The following LARP1 variants were observed in gnomAD, a reference collection of about 807,000 sequenced individuals.
LARP1 encodes the protein La ribonucleoprotein 1, translational regulator.
Under a neutral mutation model 122.7 loss-of-function variants are expected in LARP1, and 36 were observed. The observed-to-expected ratio is 0.29, with a 90% CI of 0.22 to 0.39. LARP1 has a LOEUF of 0.39. Ranked by LOEUF, LARP1 falls within the 10% of genes least tolerant of loss-of-function variation. LARP1 has a pLI of 1.00. For synonymous variants in LARP1, 539 were observed against 528.7 expected, an observed-to-expected ratio of 1.02 and a Z score of -0.27; for missense variants, 1,040 against 1,403.6, an observed-to-expected ratio of 0.74 and a Z score of 4.14.
intron 1 of LARP1, among the ~76,000 whole-genome samples, chr5:154,764,147 A>C (rs1490403264): frequency 6.6e-6 from 1 of 151,724 alleles, no homozygotes; most frequent in Non-Finnish European, 1.5e-5. Context: ...TGCCTCTACT[A>C]AACATACAAA....
chr5:154,715,217 C>T (rs1439089393), intron 1 of LARP1, among the ~76,000 whole-genome samples: 2 of 150,882 alleles, frequency 1.3e-5, no homozygotes, highest in Non-Finnish European at 2.9e-5. Flanking sequence ...ATTTTAAGGC[C>T]CCTGAAGGGT....
intron 8 of LARP1, among the ~76,000 whole-genome samples, chr5:154,799,244 GTA>G (rs1055350561): frequency 6.6e-6 from 1 of 152,176 alleles, no homozygotes; most frequent in African/African-American, 2.4e-5. Context: ...GGCAAGTTAG[GTA>G]TTTTATAGTT....
At chr5:154,716,943 C>T (rs1338548466) in intron 1 of LARP1, among the ~76,000 whole-genome samples, 1 of 151,854 alleles carries the variant, frequency 6.6e-6, no homozygotes, top group Non-Finnish European at 1.5e-5. Flanking sequence ...ATCTGTTGTC[C>T]CAGCTACTCA....
At chr5:154,687,945 G>A (rs1273687666) in intron 1 of LARP1, among the ~76,000 whole-genome samples, 2 of 152,280 alleles carry the variant, frequency 1.3e-5, no homozygotes, top group Non-Finnish European at 1.5e-5. Context: ...TCTCCTGGGG[G>A]TCCTCTAGTG....
intron 1 of LARP1, among the ~76,000 whole-genome samples, chr5:154,777,254 A>C (rs574702907): frequency 6.6e-6 from 1 of 152,114 alleles, no homozygotes; most frequent in East Asian, 1.9e-4. Flanking sequence ...TAATCCCAGC[A>C]CTTCCCAGCA....
chr5:154,708,521 A>G (rs1236604695), upstream of LARP1, among the ~76,000 whole-genome samples: 2 of 152,184 alleles, frequency 1.3e-5, no homozygotes. Context: ...CTCTGTGTCC[A>G]TTTCCTCACA....
At chr5:154,730,133 C>T (rs1299800039) in intron 1 of LARP1, among the ~76,000 whole-genome samples, 5 of 152,118 alleles carry the variant, frequency 3.3e-5, no homozygotes, top group African/African-American at 9.7e-5. Flanking sequence ...GACTGTTGTC[C>T]GTTTCCTACT....
At chr5:154,739,265 C>A (rs923845237) in intron 1 of LARP1, among the ~76,000 whole-genome samples, 3 of 152,168 alleles carry the variant, frequency 2.0e-5, no homozygotes, top group Admixed American at 2.0e-4. Context: ...CGTGATCCGC[C>A]CACCTCGGCC....
At position 154,744,804 on chromosome 5, in the gene LARP1, A is replaced by AT. The variant is rs544422762; in HGVS notation, c.205+31680dup. ...AGGCGCCCGCCACTACGCCCGGCTAATTTTTTGTATTTTTAGTAGAGACGG... is the reference window on the plus strand; with the variant it reads ...AGGCGCCCGCCACTACGCCCGGCTAATTTTTTTGTATTTTTAGTAGAGACGG... On this transcript the variant is annotated intron_variant, in intron 1 of 18. Coordinates refer to the LARP1 transcript ENST00000336314. Among the ~76,000 whole-genome samples, 15 of 131,516 alleles carry AT rather than the reference A, an allele frequency of 1.1e-4. 1 individual carries two copies. In the East Asian group the frequency reaches 3.0e-3, roughly 26 times the overall value. 86.3% of individuals were successfully genotyped at this position (131,516 alleles called of 152,430 possible).
At position 154,803,147 on chromosome 5, in the gene LARP1, A is replaced by G. The variant is rs1380262041; in HGVS notation, c.2110-143A>G. On this transcript the variant is annotated intron_variant, in intron 11 of 18. Transcript: ENST00000518297. The surrounding 1 kb of genome is among the most constrained non-coding windows in gnomAD (Gnocchi z 4.4). Reference sequence around the variant, plus strand: ...CTGGGGTGAGGAATGGTGACTGGGCAGCTGAGAGCCTGGGGACCAGAATTC... The same window carrying G: ...CTGGGGTGAGGAATGGTGACTGGGCGGCTGAGAGCCTGGGGACCAGAATTC... 10 of 1,059,648 alleles carry G rather than the reference A, an allele frequency of 9.4e-6. No homozygotes were observed. The highest frequency in any genetic ancestry group is 1.4e-5 in the Non-Finnish European group (10 of 711,066). 65.6% of individuals were successfully genotyped at this position (1,059,648 alleles called of 1,614,324 possible). A position where few individuals can be genotyped will look rare whatever the true frequency, so the allele number is the denominator to read the frequency against.
chr5:154,780,746 C>T (rs1449602848), intron 1 of LARP1, among the ~76,000 whole-genome samples: 1 of 152,116 alleles, frequency 6.6e-6, no homozygotes, highest in Non-Finnish European at 1.5e-5. Context: ...AAAGGATGCC[C>T]TAAGATTGGA....
In LARP1 at chr5:154,792,599, T is replaced by C. The variant is rs369437511; in HGVS notation, c.565-23T>C. On this transcript the variant is annotated intron_variant, in intron 3 of 18. Coordinates refer to ENST00000518297, the MANE Select transcript of LARP1 (RefSeq NM_033551.3). ...CATGAGGCACTCACACTCACCTCAC[T>C]GTTACTTTACTTCCTGCTATAGCCA... 2.5e-6 allele frequency: 4 copies of C among 1,611,658 alleles called. No homozygotes were observed. The African/African-American group carries it at 5.3e-5, about 22-fold the overall frequency.
chr5:154,761,805 G>T (rs1298831743), intron 1 of LARP1, among the ~76,000 whole-genome samples: 1 of 152,110 alleles, frequency 6.6e-6, no homozygotes, highest in Non-Finnish European at 1.5e-5. Flanking sequence ...ACATGGGCAG[G>T]GTACTTCTCT....
chr5:154,805,477 A>G (rs922218214), intron 14 of LARP1, among the ~76,000 whole-genome samples: 1 of 151,930 alleles, frequency 6.6e-6, no homozygotes, highest in African/African-American at 2.4e-5. Flanking sequence ...GTATAAGTGG[A>G]CCCACGCGTG....
chr5:154,760,130 G>T (rs1754331512), intron 1 of LARP1, among the ~76,000 whole-genome samples: 1 of 152,094 alleles, frequency 6.6e-6, no homozygotes, highest in Non-Finnish European at 1.5e-5. Context: ...GTAGAACGGG[G>T]TTTCTCCATG....
At chr5:154,790,432 T>G (rs1757249929) in intron 2 of LARP1, 46 bp downstream of exon 2, 1 of 1,568,542 alleles carries the variant, frequency 6.4e-7, no homozygotes, top group Admixed American at 1.7e-5. Context: ...CTGGAGTTGG[T>G]GGCCTCTTTC....
chr5:154,771,068 C>T (rs1006699016), intron 1 of LARP1, among the ~76,000 whole-genome samples: 9 of 150,726 alleles, frequency 6.0e-5, no homozygotes, highest in Admixed American at 6.6e-5. Flanking sequence ...GCCAAGATCG[C>T]GCCACTGCCC....
intron 16 of LARP1, among the ~76,000 whole-genome samples, chr5:154,810,019 C>A (rs190573765): frequency 6.7e-4 from 102 of 152,192 alleles, no homozygotes; most frequent in African/African-American, 2.3e-3. Context: ...CTATTAATTT[C>A]TAATAGCTTA....
intron 14 of LARP1, chr5:154,805,172 T>C: frequency 3.0e-6 from 1 of 330,298 alleles, no homozygotes. Context: ...GAGAGTGAGG[T>C]ACAGTTTACC....
Sources: allele counts gnomAD v4.1 joint callset (sites outside exome capture counted in the v4.1 genomes callset), GRCh38; gene constraint gnomAD v4.1.1; non-coding constraint Gnocchi (gnomAD v3.1); transcripts MANE v1.5; gene names NCBI Gene and HGNC (gene_info 2026-07-23, HGNC 2026-07-21).